Variants in NBAS observed in about 807,000 individuals in gnomAD.
NBAS encodes the protein NBAS subunit of NRZ tethering complex.
Under a neutral mutation model 302.5 loss-of-function variants are expected in NBAS, and 219 were observed. That is an observed-to-expected ratio of 0.72 (90% CI 0.65 to 0.81). The LOEUF is 0.81. Among genes scored for constraint, NBAS ranks in the 30% least tolerant of loss-of-function variants. The pLI is 0.00. For synonymous variants in NBAS, 1,118 were observed against 1,021.6 expected (o/e 1.09, Z -1.80); for missense variants, 2,932 against 2,841.6 (o/e 1.03, Z -0.72).
At chr2:14,955,632 T>G in the NBAS span, among the ~76,000 whole-genome samples, 1 of 152,258 alleles carries the variant, frequency 6.6e-6, no homozygotes, top group Non-Finnish European at 1.5e-5. Flanking sequence ...GACTTACGTG[T>G]ACCCATAGAC....
At chr2:15,540,867 G>A (rs561147684) in intron 6 of NBAS, among the ~76,000 whole-genome samples, 11 of 152,030 alleles carry the variant, frequency 7.2e-5, no homozygotes, top group African/African-American at 1.9e-4. Flanking sequence ...GGATACAGGC[G>A]TGTGCCACTA....
chr2:15,511,424 A>T, intron 9 of NBAS, 74 bp from the exon 10 acceptor site: 1 of 1,377,342 alleles, frequency 7.3e-7, no homozygotes, highest in South Asian at 1.2e-5. Flanking sequence ...GAGCAGAAAC[A>T]GTCACCTTGA....
chr2:15,265,760 T>C lies in NBAS; in HGVS notation c.5724+9724A>G, dbSNP rs144259019. ...CTTTATAGTACAGAACTGCCTGAAT[T>C]GGAAAGGGAAGATTCTAAATGTTTT... is the stretch of plus-strand genomic sequence containing the variant. On this transcript the variant is annotated intron_variant, in intron 44 of 51. Coordinates refer to ENST00000281513, the MANE Select transcript of NBAS (RefSeq NM_015909.4). 1.6e-3 allele frequency among the ~76,000 whole-genome samples: 248 copies of C among 152,250 alleles called. 4 individuals are homozygous for C. The East Asian group carries it at 0.023, about 14-fold the overall frequency.
rs201533077 is a variant in NBAS at position 15,306,763 on chromosome 2, C to CT, written c.4797+1452dup. Among the ~76,000 whole-genome samples the CT allele has an allele frequency of 7.7e-3, 1,027 of 132,534 alleles. 10 individuals are homozygous for CT. The highest frequency in any genetic ancestry group is 0.017 in the South Asian group (70 of 4,042). 86.9% of individuals were successfully genotyped at this position (132,534 alleles called of 152,430 possible). On this transcript the variant is annotated intron_variant, in intron 40 of 51. Transcript: ENST00000281513. ...CTTTGCCAGTTTTAATTGTGGAAAT[C>CT]TTTTTTTTTTTTTTTTGCACTTCAT...
the NBAS span, among the ~76,000 whole-genome samples, chr2:15,094,086 A>G: frequency 6.6e-6 from 1 of 152,236 alleles, no homozygotes; most frequent in Non-Finnish European, 1.5e-5. Flanking sequence ...TTTCTAGCCA[A>G]ACTGAAGAAT....
At position 15,275,829 on chromosome 2, in the gene NBAS, A is replaced by C; in HGVS notation, c.5390-11T>G. The stretch of plus-strand genomic sequence containing the variant: ...TTTTGTAATTAAGACCTAGCAGAAA[A>C]AAAAAGAAAGTAGGTAAGTGGTTCA... On this transcript the variant is annotated splice_polypyrimidine_tract_variant and intron_variant, in intron 43 of 51. Transcript: ENST00000281513. The C allele has an allele frequency of 6.2e-7, 1 of 1,609,844 alleles. No homozygotes were observed. Among genetic ancestry groups the C allele is most frequent in the Non-Finnish European group, 8.5e-7 (1 of 1,179,252 alleles).
At chr2:15,076,448 G>A in the NBAS span, among the ~76,000 whole-genome samples, 231 of 152,262 alleles carry the variant, frequency 1.5e-3, 1 homozygote, top group African/African-American at 5.0e-3. Context: ...AGGGAAATCC[G>A]CCTATATAAA....
chr2:15,448,245 A>G (rs533699728), intron 21 of NBAS, among the ~76,000 whole-genome samples: 3 of 152,346 alleles, frequency 2.0e-5, no homozygotes, highest in African/African-American at 7.2e-5. Flanking sequence ...ATTAAAAGAC[A>G]TCTATAATAT....
chr2:14,968,846 T>C, the NBAS span, among the ~76,000 whole-genome samples: 1 of 152,190 alleles, frequency 6.6e-6, no homozygotes, highest in Non-Finnish European at 1.5e-5. Context: ...CTGCTAGGTA[T>C]ATATCAAAGA....
the NBAS span, among the ~76,000 whole-genome samples, chr2:14,965,266 T>G: frequency 5.3e-5 from 8 of 151,916 alleles, no homozygotes; most frequent in Admixed American, 2.6e-4. Flanking sequence ...CTTTGACAGA[T>G]CAATAAAATT....
At chr2:15,382,398 A>G (rs1675082333) in intron 29 of NBAS, among the ~76,000 whole-genome samples, 1 of 152,224 alleles carries the variant, frequency 6.6e-6, no homozygotes, top group African/African-American at 2.4e-5. Context: ...GCTGAGGACC[A>G]AATGGAAGCA....
intron 21 of NBAS, among the ~76,000 whole-genome samples, chr2:15,452,872 A>G (rs1247227329): frequency 1.3e-5 from 2 of 152,198 alleles, no homozygotes; most frequent in East Asian, 3.8e-4. Context: ...CTGCTCACGT[A>G]ATCATTTATT....
At chr2:14,934,929 T>A in the NBAS span, among the ~76,000 whole-genome samples, 1 of 152,156 alleles carries the variant, frequency 6.6e-6, no homozygotes, top group Non-Finnish European at 1.5e-5. Context: ...TCTTTGTAGA[T>A]CACATGTATT....
chr2:15,468,666 T>C lies in NBAS; in HGVS notation c.1726-133A>G, dbSNP rs113776171. On this transcript the variant is annotated intron_variant, in intron 16 of 51. Coordinates refer to ENST00000281513, the MANE Select transcript of NBAS (RefSeq NM_015909.4). ...TAGGACCTTGGCCATAGGGAGCTGC[T>C]AGAGGAACTCAAGAGAAAAGCAGCC... 2,490 of 1,018,954 alleles carry C rather than the reference T, an allele frequency of 2.4e-3. 42 individuals are homozygous for C. The African/African-American group carries it at 0.035, about 14-fold the overall frequency. The allele number at this position is 1,018,954 out of a possible 1,614,324, so 63.1% of individuals were successfully genotyped here.
At chr2:15,105,315 G>A in the NBAS span, among the ~76,000 whole-genome samples, 1 of 152,020 alleles carries the variant, frequency 6.6e-6, no homozygotes, top group Non-Finnish European at 1.5e-5. Context: ...GTAGATGACA[G>A]GTTGATGGGT....
In NBAS at chr2:15,190,356, G is replaced by C. The variant is rs761382354; in HGVS notation, c.6480C>G (p.Phe2160Leu). 5 of 1,614,038 alleles carry C rather than the reference G, an allele frequency of 3.1e-6. No homozygotes were observed. The Admixed American group carries it at 8.3e-5, about 27-fold the overall frequency. Residue 2160 changes from phenylalanine to leucine, a missense_variant, in exon 49 of 52, where the codon TTC becomes TTG. Phe to Leu is a conservative substitution (Grantham distance 22). Coordinates refer to ENST00000281513, the MANE Select transcript of NBAS (RefSeq NM_015909.4). The stretch of plus-strand genomic sequence containing the variant: ...GGTGACTAGATTCCAGGAGTTCCAT[G>C]AATAGACAGTAGCGGTTCTCTTCAT... ...IENEENRYCL[F>L]MELLESSHHE...
the NBAS span, among the ~76,000 whole-genome samples, chr2:14,908,220 G>A: frequency 4.6e-5 from 7 of 152,156 alleles, no homozygotes; most frequent in Non-Finnish European, 8.8e-5. Flanking sequence ...AAAATTAGCC[G>A]GGTGTGGTGG....
the NBAS span, among the ~76,000 whole-genome samples, chr2:14,946,777 A>G: frequency 6.6e-6 from 1 of 152,210 alleles, no homozygotes. Flanking sequence ...GTGATATCTT[A>G]GTCCACAAAA....
At chr2:15,204,898 T>C (rs1666067983) in intron 48 of NBAS, among the ~76,000 whole-genome samples, 1 of 152,250 alleles carries the variant, frequency 6.6e-6, no homozygotes, top group East Asian at 1.9e-4. Flanking sequence ...TTAGGAGATA[T>C]ACCTAATGTA....
Sources: allele counts gnomAD v4.1 joint callset (sites outside exome capture counted in the v4.1 genomes callset), GRCh38; gene constraint gnomAD v4.1.1; transcripts MANE v1.5; gene names NCBI Gene and HGNC (gene_info 2026-07-23, HGNC 2026-07-21).